VPS37C: variants seen among roughly 807,000 people sequenced by gnomAD.
VPS37C encodes VPS37C subunit of ESCRT-I.
In VPS37C, 9 loss-of-function variants were observed where a neutral mutation model predicts 16.1. The ratio of observed to expected loss-of-function variants is 0.56; its 90% CI spans 0.34 to 0.97. VPS37C has a LOEUF of 0.97. Among genes scored for constraint, VPS37C ranks in the 50% least tolerant of loss-of-function variants. The pLI, the probability that VPS37C is intolerant of heterozygous loss-of-function variation, is 0.02. For synonymous variants in VPS37C, 207 were observed against 206.4 expected (o/e 1.00, Z -0.02); for missense variants, 479 against 472.7 (o/e 1.01, Z -0.12).
chr11:61,148,515 G>A (rs1278313375), intron 1 of VPS37C, among the ~76,000 whole-genome samples: 1 of 151,222 alleles, frequency 6.6e-6, no homozygotes, highest in Non-Finnish European at 1.5e-5. Context: ...TCTTTTCCCG[G>A]AATGATTCCA....
chr11:61,157,116 C>T (rs1177323598), intron 1 of VPS37C, among the ~76,000 whole-genome samples: 2 of 152,240 alleles, frequency 1.3e-5, no homozygotes, highest in Non-Finnish European at 2.9e-5. Context: ...ACATATAACA[C>T]ATTTTGTTTA....
At chr11:61,156,717 TTTTTAAAAACTG>T (rs1853382990) in intron 1 of VPS37C, among the ~76,000 whole-genome samples, 1 of 152,244 alleles carries the variant, frequency 6.6e-6, no homozygotes, top group Non-Finnish European at 1.5e-5. Context: ...AAATCCTCTA[TTTTTAAAAACTG>T]TTTTATACGT....
chr11:61,133,315 CT>C lies in VPS37C; in HGVS notation c.287del (p.Gln96ArgfsTer6). The C allele has an allele frequency of 1.2e-6, 2 of 1,614,182 alleles. No individual in the cohort carries two copies. The highest frequency in any genetic ancestry group is 1.7e-6 in the Non-Finnish European group (2 of 1,180,044). On this transcript the variant is annotated frameshift_variant, in exon 4 of 5. Transcript: ENST00000301765. LOFTEE classifies it high-confidence loss of function. ...GCAGAAGGTCTAACAAGGTCCCTGG[CT>C]GCAGTGCTGAAGAAAATTTCTCTGG... Reference protein sequence around the residue: ...AKLEKFSSALQPGTLLDLLQV... With the variant: ...AKLEKFSSALXPGTLLDLLQV...
chr11:61,133,297 G>A lies in VPS37C; in HGVS notation c.306C>T (p.Asp102=), dbSNP rs754835777. 3 of 1,614,166 alleles carry A rather than the reference G, an allele frequency of 1.9e-6. No individual in the cohort carries two copies. Among genetic ancestry groups the A allele is most frequent in the East Asian group, 4.5e-5 (2 of 44,884 alleles). The change falls in exon 4 of 5, where the codon GAC becomes GAT. Residue 102 remains aspartate, a synonymous_variant. Coordinates refer to ENST00000301765, the MANE Select transcript of VPS37C (RefSeq NM_017966.5). ...TCTTCATGCCTTCCACCTGCAGAAGGTCTAACAAGGTCCCTGGCTGCAGTG... is the reference window on the plus strand; with the variant it reads ...TCTTCATGCCTTCCACCTGCAGAAGATCTAACAAGGTCCCTGGCTGCAGTG... ...SSALQPGTLL[D]LLQVEGMKIE...
intron 1 of VPS37C, chr11:61,144,132 C>CTAATTTTTTTATATTTTTTTA (rs1853151861): frequency 6.6e-6 from 1 of 151,886 alleles, no homozygotes; most frequent in Non-Finnish European, 1.5e-5. Flanking sequence ...CCACGCCCGG[C>CTAATTTTTTTATATTTTTTTA]TAATTTTTTT....
intron 1 of VPS37C, chr11:61,143,452 A>C (rs1300542846): frequency 7.6e-6 from 1 of 132,104 alleles, no homozygotes; most frequent in African/African-American, 2.9e-5. Context: ...ATCTCAGCTC[A>C]CTGTAACCTC....
At chr11:61,153,810 C>T (rs1565196590) in intron 1 of VPS37C, among the ~76,000 whole-genome samples, 1 of 152,178 alleles carries the variant, frequency 6.6e-6, no homozygotes, top group Non-Finnish European at 1.5e-5. Flanking sequence ...AAGGGCCACA[C>T]AGAGAACCCA....
chr11:61,161,374 C>T lies in VPS37C; in HGVS notation c.-7+17G>A, dbSNP rs916356247. 2 of 153,052 alleles carry T rather than the reference C, an allele frequency of 1.3e-5. No homozygotes were observed. The highest frequency in any genetic ancestry group is 4.8e-5 in the African/African-American group (2 of 41,436). The allele number at this position is 153,052 out of a possible 1,614,324, so 9.5% of individuals were successfully genotyped here. The stretch of plus-strand genomic sequence containing the variant: ...CCGCCTGCGGCAGAGCCGGGACCCT[C>T]CCCAGTCTCCGCTCACCTGCCAGGG... On this transcript the variant is annotated intron_variant, in intron 1 of 4. Transcript: ENST00000301765.
At chr11:61,161,251 C>G (rs1484027191) in intron 1 of VPS37C, 140 bp downstream of exon 1, 2 of 152,068 alleles carry the variant, frequency 1.3e-5, no homozygotes, top group Non-Finnish European at 2.9e-5. Context: ...ACGCGCCCCT[C>G]GTGCCCAATC....
chr11:61,145,774 A>G (rs1853195483), intron 1 of VPS37C, among the ~76,000 whole-genome samples: 1 of 152,186 alleles, frequency 6.6e-6, no homozygotes, highest in Non-Finnish European at 1.5e-5. Context: ...ATATGTCTCA[A>G]AGTAGAGAAC....
intron 1 of VPS37C, among the ~76,000 whole-genome samples, chr11:61,154,028 G>C (rs1853343994): frequency 6.6e-6 from 1 of 152,226 alleles, no homozygotes. Context: ...CTGGGCCTAA[G>C]GCTGTTCTGA....
In VPS37C at chr11:61,132,442, C is replaced by A. The variant is rs147453885; in HGVS notation, c.446G>T (p.Arg149Leu). 1.4e-5 allele frequency: 23 copies of A among 1,612,572 alleles called. No homozygotes were observed. In the African/African-American group the frequency reaches 2.9e-4, roughly 21 times the overall value. ...MRMLSHLRRV[R>L]VEKLQEVVRK... ...CACCACTTCCTGGAGCTTTTCCACG[C>A]GAACCCGGCGCAGGTGGGACAGCAT... is the stretch of plus-strand genomic sequence containing the variant. Residue 149 changes from arginine to leucine, a missense_variant, in exon 5 of 5, where the codon CGC becomes CTC. Physicochemically the swap from Arg to Leu is moderately radical, Grantham distance 102. Transcript: ENST00000301765.
chr11:61,155,765 T>C (rs1319354460), intron 1 of VPS37C, among the ~76,000 whole-genome samples: 3 of 152,024 alleles, frequency 2.0e-5, no homozygotes, highest in Non-Finnish European at 2.9e-5. Flanking sequence ...TGAAACAAGA[T>C]AGAAATGTGG....
rs370829094 is a variant in VPS37C, at chr11:61,152,385, G to A, written c.-7+9006C>T. On this transcript the variant is annotated intron_variant, in intron 1 of 4. Transcript: ENST00000301765. ...ATTCTTGACTCAGGCAGGAATCCAC[G>A]AAGGCCATTATCAAACAAAGGGTGG... Among the ~76,000 whole-genome samples, 3 of 152,220 alleles carry A rather than the reference G, an allele frequency of 2.0e-5. No individual in the cohort carries two copies. The South Asian group carries it at 6.2e-4, about 32-fold the overall frequency.
chr11:61,146,000 G>C (rs938531774), intron 1 of VPS37C, among the ~76,000 whole-genome samples: 1 of 152,172 alleles, frequency 6.6e-6, no homozygotes, highest in South Asian at 2.1e-4. Flanking sequence ...AGAATAAATC[G>C]ACCCCTTGAA....
At chr11:61,152,780 C>T (rs780514346) in intron 1 of VPS37C, among the ~76,000 whole-genome samples, 5 of 152,208 alleles carry the variant, frequency 3.3e-5, no homozygotes, top group South Asian at 2.1e-4. Context: ...GGATCCTGCC[C>T]GGCAAGGAAT....
At chr11:61,135,238 G>T (rs1315063542) in intron 2 of VPS37C, among the ~76,000 whole-genome samples, 1 of 152,208 alleles carries the variant, frequency 6.6e-6, no homozygotes, top group Non-Finnish European at 1.5e-5. Flanking sequence ...GGAAGAGGCG[G>T]CCTCGGGGAA....
rs768929755 is a variant in VPS37C at position 61,132,386 on chromosome 11, C to T, written c.502G>A (p.Gly168Ser). 92 of 1,602,864 alleles carry T rather than the reference C, an allele frequency of 5.7e-5. No homozygotes were observed. The South Asian group carries it at 9.0e-4, about 16-fold the overall frequency. Residue 168 changes from glycine to serine, a missense_variant, in exon 5 of 5, where the codon GGC becomes AGC. By Grantham distance (56) the Gly-to-Ser change is moderately conservative. Transcript: ENST00000301765. ...GGTGGACGGGGTGGAGGGGCATCGC[C>T]GGCCAGCTCCTGGGAAGCCCTGGGC... ...RKPRASQELAGDAPPPRPPPP... is the reference protein window; with the variant it reads ...RKPRASQELASDAPPPRPPPP...
At chr11:61,144,181 G>A (rs1217162903) in intron 1 of VPS37C, 4 of 149,810 alleles carry the variant, frequency 2.7e-5, no homozygotes, top group Non-Finnish European at 5.9e-5. Context: ...GTGCTAGCCA[G>A]AATGGTCTCG....
Sources: gnomAD v4.1 joint callset for allele counts (sites outside exome capture counted in the v4.1 genomes callset) on GRCh38, gnomAD v4.1.1 for gene constraint, MANE v1.5 for transcripts, NCBI Gene and HGNC (gene_info 2026-07-23, HGNC 2026-07-21) for gene names.